The following SPAG9 variants were observed in gnomAD, a reference collection of about 807,000 sequenced individuals.
SPAG9 encodes sperm associated antigen 9.
SPAG9 carries 35 observed loss-of-function variants against 166.5 expected under a neutral mutation model. The observed-to-expected ratio is 0.21, with a 90% CI of 0.16 to 0.28. SPAG9 has a LOEUF of 0.28. Among genes scored for constraint, SPAG9 ranks in the 10% least tolerant of loss-of-function variants. The pLI is 1.00. For missense variants in SPAG9, 1,235 were observed against 1,603.3 expected (o/e 0.77, Z 3.92); for synonymous variants, 534 against 565.5 (o/e 0.94, Z 0.79).
chr17:51,037,911 TTAATA>T (rs1385226732), intron 5 of SPAG9, among the ~76,000 whole-genome samples: 1 of 151,624 alleles, frequency 6.6e-6, no homozygotes, highest in African/African-American at 2.4e-5. Flanking sequence ...CTTTGATAAT[TTAATA>T]TAAGGAGTTT....
At chr17:50,998,382 C>A in intron 15 of SPAG9, 62 bp downstream of exon 15, 1 of 1,458,544 alleles carries the variant, frequency 6.9e-7, no homozygotes, top group Non-Finnish European at 9.5e-7. Context: ...GATAAGAGGC[C>A]AAGAATATTC....
At chr17:51,067,359 T>G (rs1483380225) in intron 2 of SPAG9, among the ~76,000 whole-genome samples, 1 of 151,818 alleles carries the variant, frequency 6.6e-6, no homozygotes, top group East Asian at 1.9e-4. Flanking sequence ...AAGGAATCAG[T>G]TAAAGGGAAA....
intron 29 of SPAG9, among the ~76,000 whole-genome samples, chr17:50,969,162 C>T (rs779184525): frequency 4.6e-4 from 70 of 151,998 alleles, no homozygotes; most frequent in Non-Finnish European, 8.1e-4. Flanking sequence ...GCTCCTTGGG[C>T]GAACTCACCA....
At chr17:51,093,342 C>A (rs1051328357) in intron 1 of SPAG9, among the ~76,000 whole-genome samples, 9 of 151,962 alleles carry the variant, frequency 5.9e-5, no homozygotes, top group Non-Finnish European at 1.3e-4. Context: ...CATTGAAGGG[C>A]TATTTGTAAC....
At position 51,118,034 on chromosome 17, in the gene SPAG9, C is replaced by G. The variant is rs558387355; in HGVS notation, c.303+2320G>C. ...TGGCACGTGCCTATAGTCCCAGCTA[C>G]TCGGGCGGCTGAGGCAGAAGAATTG... On this transcript the variant is annotated intron_variant, in intron 1 of 29. Transcript: ENST00000262013. Among the ~76,000 whole-genome samples the G allele has an allele frequency of 5.3e-5, 8 of 151,626 alleles. No homozygotes were observed. In the South Asian group the frequency reaches 1.7e-3, roughly 32 times the overall value.
intron 29 of SPAG9, 50 bp downstream of exon 29, chr17:50,970,657 C>G (rs1430969196): frequency 2.6e-6 from 4 of 1,532,930 alleles, no homozygotes; most frequent in Non-Finnish European, 3.6e-6. Flanking sequence ...GGGACAAAAC[C>G]CAAGTCATAG....
At chr17:51,010,075 G>A (rs1016519483) in intron 9 of SPAG9, among the ~76,000 whole-genome samples, 1 of 151,860 alleles carries the variant, frequency 6.6e-6, no homozygotes, top group Non-Finnish European at 1.5e-5. Context: ...AAAAAAAACT[G>A]CCTGGCAGTT....
At chr17:51,005,103 G>T in intron 12 of SPAG9, 109 bp downstream of exon 12, 1 of 918,720 alleles carries the variant, frequency 1.1e-6, no homozygotes, top group South Asian at 1.6e-5. Flanking sequence ...CATGTCTCCT[G>T]ACTTTTAAAA....
intron 6 of SPAG9, among the ~76,000 whole-genome samples, chr17:51,022,150 GA>G (rs1212373629): frequency 2.0e-5 from 3 of 150,710 alleles, no homozygotes; most frequent in South Asian, 2.1e-4. Context: ...AAAGCGGGGA[GA>G]GGGGGCAGAT....
chr17:51,027,925 ATG>A (rs1321285550), intron 6 of SPAG9, among the ~76,000 whole-genome samples: 2 of 152,168 alleles, frequency 1.3e-5, no homozygotes, highest in Non-Finnish European at 2.9e-5. Flanking sequence ...TGATAGCTCC[ATG>A]TGTGTCATTG....
intron 1 of SPAG9, among the ~76,000 whole-genome samples, chr17:51,080,010 A>G (rs1171014391): frequency 6.6e-6 from 1 of 152,232 alleles, no homozygotes; most frequent in Non-Finnish European, 1.5e-5. Flanking sequence ...CTTCCAGACA[A>G]CTTAAAAATC....
chr17:51,059,676 C>T (rs1171586326), intron 2 of SPAG9, among the ~76,000 whole-genome samples: 6 of 151,668 alleles, frequency 4.0e-5, no homozygotes. Flanking sequence ...CGCTTGAACC[C>T]AGGAGGCAGA....
intron 6 of SPAG9, 111 bp from the exon 7 acceptor site, chr17:51,021,476 A>G: frequency 1.1e-6 from 1 of 886,288 alleles, no homozygotes; most frequent in South Asian, 2.0e-5. Context: ...TTTTTTTCCA[A>G]AATAAAGGCA....
intron 6 of SPAG9, among the ~76,000 whole-genome samples, chr17:51,023,847 G>C (rs2046044209): frequency 6.6e-6 from 1 of 152,044 alleles, no homozygotes. Context: ...TGTATTTTTG[G>C]TACAGACGGA....
intron 5 of SPAG9, among the ~76,000 whole-genome samples, chr17:51,038,543 A>G (rs1016948241): frequency 2.0e-5 from 3 of 152,224 alleles, no homozygotes; most frequent in African/African-American, 7.2e-5. Flanking sequence ...CACCCTTGAC[A>G]GAAGGCATGT....
chr17:51,067,911 C>T (rs1010218073), intron 2 of SPAG9, among the ~76,000 whole-genome samples: 7 of 152,160 alleles, frequency 4.6e-5, no homozygotes, highest in African/African-American at 1.2e-4. Context: ...CCTGCTCTGC[C>T]GGCTCAAAAT....
chr17:51,090,097 G>A (rs1206151394), intron 1 of SPAG9, among the ~76,000 whole-genome samples: 2 of 152,078 alleles, frequency 1.3e-5, no homozygotes, highest in Admixed American at 6.6e-5. Context: ...ACATGCAAAC[G>A]TCTAAAGATC....
chr17:51,118,339 G>C (rs994455040), intron 1 of SPAG9, among the ~76,000 whole-genome samples: 15 of 151,904 alleles, frequency 9.9e-5, no homozygotes, highest in Admixed American at 2.0e-4. Context: ...ATTTTTTTTA[G>C]AGTCATTTAC....
chr17:51,078,802 C>G (rs1322460284), intron 2 of SPAG9, among the ~76,000 whole-genome samples: 1 of 151,044 alleles, frequency 6.6e-6, no homozygotes, highest in East Asian at 1.9e-4. Context: ...AAAAAAGGAG[C>G]AAAAAAGAGG....
Sources: allele counts gnomAD v4.1 joint callset (sites outside exome capture counted in the v4.1 genomes callset), GRCh38; gene constraint gnomAD v4.1.1; transcripts MANE v1.5; gene names NCBI Gene and HGNC (gene_info 2026-07-23, HGNC 2026-07-21).